RAI14: variants seen among roughly 807,000 people sequenced by gnomAD.
RAI14 encodes the protein ankycorbin.
A neutral mutation model predicts 115.4 loss-of-function variants in RAI14; 45 were observed. The observed-to-expected ratio is 0.39, with a 90% CI of 0.31 to 0.50. The LOEUF (loss-of-function observed/expected upper bound fraction) is 0.50. Among genes scored for constraint, RAI14 ranks in the 20% least tolerant of loss-of-function variants. The pLI is 0.85. For missense variants in RAI14, 939 were observed against 1,131.2 expected (o/e 0.83, Z 2.44); for synonymous variants, 371 against 415.4 (o/e 0.89, Z 1.30).
At chr5:34,753,451 T>G (rs991095742) in intron 2 of RAI14, among the ~76,000 whole-genome samples, 2 of 152,144 alleles carry the variant, frequency 1.3e-5, no homozygotes, top group Non-Finnish European at 2.9e-5. Context: ...TTTTGTCTCA[T>G]GTTGTGATTG....
chr5:34,752,652 G>A (rs1216410037), intron 2 of RAI14, among the ~76,000 whole-genome samples: 1 of 150,906 alleles, frequency 6.6e-6, no homozygotes, highest in East Asian at 1.9e-4. Flanking sequence ...GTGGCTGCCA[G>A]TGTTTTTTCT....
intron 16 of RAI14, 33 bp downstream of exon 16, chr5:34,826,512 G>A (rs754919129): frequency 1.0e-5 from 16 of 1,601,218 alleles, no homozygotes; most frequent in Middle Eastern, 1.7e-4. Context: ...CCTGGTTTGG[G>A]GTGGAGGGCC....
chr5:34,739,482 T>G (rs1310559368), intron 2 of RAI14, among the ~76,000 whole-genome samples: 4 of 152,166 alleles, frequency 2.6e-5, no homozygotes, highest in Non-Finnish European at 5.9e-5. Context: ...AGGGAGCCAG[T>G]TTATTCTCAG....
chr5:34,739,725 T>G (rs12515973), intron 2 of RAI14, among the ~76,000 whole-genome samples: 25,158 of 152,014 alleles, frequency 0.17, 2,169 homozygotes, highest in South Asian at 0.21. Flanking sequence ...TCACTAGCCT[T>G]GTGTCAGCCC....
chr5:34,751,191 C>T (rs1746971908), intron 2 of RAI14, among the ~76,000 whole-genome samples: 1 of 146,646 alleles, frequency 6.8e-6, no homozygotes, highest in African/African-American at 2.6e-5. Flanking sequence ...TGGAGTCTCC[C>T]TCTTGTCGCC....
rs1450107206 is a variant in RAI14, at chr5:34,791,846, C to T, written c.168-4093C>T. On this transcript the variant is annotated intron_variant, in intron 3 of 17. Coordinates refer to ENST00000265109, the MANE Select transcript of RAI14 (RefSeq NM_015577.3). The surrounding 1 kb of genome is among the most constrained non-coding windows in gnomAD (Gnocchi z 5.4). ...CCGGCCTGCAAAGCTGTGGCCTTCA[C>T]AGAGGAAGACAGCCACTGCCGAGGT... 6.6e-6 allele frequency among the ~76,000 whole-genome samples: 1 copy of T among 152,180 alleles called. No individual in the cohort carries two copies. The highest frequency in any genetic ancestry group is 1.5e-5 in the Non-Finnish European group (1 of 68,036).
At position 34,815,811 on chromosome 5, in the gene RAI14, C is replaced by CA. The variant is rs548834378; in HGVS notation, c.939+1148dup. 2.2e-4 allele frequency among the ~76,000 whole-genome samples: 34 copies of CA among 152,208 alleles called. No homozygotes were observed. The South Asian group carries it at 4.1e-3, about 19-fold the overall frequency. On this transcript the variant is annotated intron_variant, in intron 12 of 17. Transcript: ENST00000265109. ...GAGCAGATTTTAAGTGTTTTCATCA[C>CA]AAAAAATGATAAGTGTGTGAGATTA...
At chr5:34,660,510 T>G (rs527917961) in intron 1 of RAI14, among the ~76,000 whole-genome samples, 69 of 152,276 alleles carry the variant, frequency 4.5e-4, no homozygotes, top group African/African-American at 1.6e-3. Context: ...TGGTGCTGTT[T>G]GGGATTCTTG....
At chr5:34,687,510 A>G in intron 2 of RAI14, 1 of 1,339,802 alleles carries the variant, frequency 7.5e-7, no homozygotes, top group Non-Finnish European at 9.7e-7. Flanking sequence ...GATTGGAGGA[A>G]GCAGTTATGA....
chr5:34,724,587 C>G (rs1279741555), intron 2 of RAI14, among the ~76,000 whole-genome samples: 2 of 151,984 alleles, frequency 1.3e-5, no homozygotes, highest in Non-Finnish European at 2.9e-5. Flanking sequence ...CATGAGAATT[C>G]TGAGAACAGA....
At chr5:34,698,202 C>CT (rs1341756291) in intron 2 of RAI14, among the ~76,000 whole-genome samples, 2 of 119,086 alleles carry the variant, frequency 1.7e-5, no homozygotes, top group African/African-American at 6.4e-5. Context: ...CCCTCCCTCT[C>CT]TCCCTTCCCC....
intron 3 of RAI14, among the ~76,000 whole-genome samples, chr5:34,794,240 T>C (rs1753249247): frequency 6.6e-6 from 1 of 152,122 alleles, no homozygotes; most frequent in Non-Finnish European, 1.5e-5. Context: ...CTGGGTAACA[T>C]GGTGAAACCC....
At chr5:34,815,179 G>A (rs572271231) in intron 12 of RAI14, among the ~76,000 whole-genome samples, 40 of 152,072 alleles carry the variant, frequency 2.6e-4, no homozygotes, top group Non-Finnish European at 4.0e-4. Context: ...TCAAGAGATC[G>A]AGACCATCCT....
Position 34,826,468 on chromosome 5 carries a change from A to AACC in RAI14, c.2790_2792dup (p.Asn930_Gln931insHis), listed in dbSNP as rs1281412573. 1.2e-6 allele frequency: 2 copies of AACC among 1,613,368 alleles called. No individual in the cohort carries two copies. The highest frequency in any genetic ancestry group is 3.3e-5 in the Admixed American group (2 of 59,920). On this transcript the variant is annotated inframe_insertion, in exon 16 of 18. Transcript: ENST00000265109. ...GCAGCAGCAAGTCAAACAGCTCCAGAACCAGCTGGCGGTGAGTGGGCTTGT... is the reference window on the plus strand; with the variant it reads ...GCAGCAGCAAGTCAAACAGCTCCAGAACCACCAGCTGGCGGTGAGTGGGCTTGT...
intron 1 of RAI14, among the ~76,000 whole-genome samples, chr5:34,680,540 A>C (rs1744314611): frequency 6.6e-6 from 1 of 152,230 alleles, no homozygotes; most frequent in Non-Finnish European, 1.5e-5. Context: ...ATTGGCAATT[A>C]AGTTTCCAGC....
intron 1 of RAI14, among the ~76,000 whole-genome samples, chr5:34,667,941 C>CAT (rs1225713372): frequency 2.6e-5 from 4 of 152,174 alleles, no homozygotes; most frequent in Admixed American, 6.5e-5. Flanking sequence ...TGAAAGCTGA[C>CAT]ATATTGGTGA....
chr5:34,812,836 T>C (rs1258388350), intron 10 of RAI14, among the ~76,000 whole-genome samples: 1 of 152,212 alleles, frequency 6.6e-6, no homozygotes, highest in Admixed American at 6.5e-5. Flanking sequence ...ATAACACTGT[T>C]TTAAATACTT....
chr5:34,752,749 GTA>G (rs71600954), intron 2 of RAI14, among the ~76,000 whole-genome samples: 4,404 of 107,008 alleles, frequency 0.041, 510 homozygotes, highest in African/African-American at 0.15. Context: ...GTGTGTGTGT[GTA>G]TATATATATA....
intron 15 of RAI14, among the ~76,000 whole-genome samples, chr5:34,825,570 C>G (rs186417011): frequency 1.1e-3 from 161 of 152,182 alleles, no homozygotes; most frequent in Non-Finnish European, 1.8e-3. Flanking sequence ...TCGCCGGTCC[C>G]TCCTTTGACA....
Sources: allele counts gnomAD v4.1 joint callset (sites outside exome capture counted in the v4.1 genomes callset), GRCh38; gene constraint gnomAD v4.1.1; non-coding constraint Gnocchi (gnomAD v3.1); transcripts MANE v1.5; gene names NCBI Gene and HGNC (gene_info 2026-07-23, HGNC 2026-07-21).